The following KMT5A variants were observed in gnomAD, a reference collection of about 807,000 sequenced individuals.
The protein encoded by KMT5A is N-lysine methyltransferase KMT5A.
A neutral mutation model predicts 40.6 loss-of-function variants in KMT5A; 6 were observed. The observed-to-expected ratio is 0.15, with a 90% CI of 0.08 to 0.29. The LOEUF (loss-of-function observed/expected upper bound fraction) is 0.29, where lower values mean the gene tolerates loss of function less well. Ranked by LOEUF, KMT5A falls within the 10% of genes least tolerant of loss-of-function variation. The probability of loss-of-function intolerance (pLI) is 1.00; values close to 1 mark genes in which losing one functional copy is unlikely to be tolerated. For synonymous variants in KMT5A, 153 were observed against 178.8 expected (o/e 0.86, Z 1.15); for missense variants, 308 against 459.1 (o/e 0.67, Z 3.01).
chr12:123,400,862 T>G (rs1487910220), intron 5 of KMT5A, among the ~76,000 whole-genome samples: 1 of 152,072 alleles, frequency 6.6e-6, no homozygotes, highest in African/African-American at 2.4e-5. Flanking sequence ...TTGCCCAGGC[T>G]GGAGTACAGT....
intron 7 of KMT5A, among the ~76,000 whole-genome samples, chr12:123,405,708 A>G (rs772782117): frequency 6.6e-6 from 1 of 150,550 alleles, no homozygotes; most frequent in South Asian, 2.1e-4. Flanking sequence ...TTTAGTAGAG[A>G]CAGGGTTTCA....
chr12:123,395,111 C>T lies in KMT5A; in HGVS notation c.354C>T (p.Asp118=), dbSNP rs371474913. Residue 118 remains aspartate, a synonymous_variant, in exon 4 of 8, where the codon GAC becomes GAT. Coordinates refer to ENST00000402868, the MANE Select transcript of KMT5A (RefSeq NM_020382.7). The stretch of plus-strand genomic sequence containing the variant: ...AGTCCGAGGAACAGAAGATCAAAGA[C>T]GCCAGGAAAGGTCCCCTGGTACCTT... ...AMKSEEQKIK[D]ARKGPLVPFP... is the part of the protein sequence containing the mutation. 44 of 1,601,990 alleles carry T rather than the reference C, an allele frequency of 2.7e-5. No individual in the cohort carries two copies. The highest frequency in any genetic ancestry group is 5.4e-5 in the African/African-American group (4 of 74,640).
chr12:123,402,074 G>A (rs958514773), intron 5 of KMT5A, among the ~76,000 whole-genome samples: 2 of 152,186 alleles, frequency 1.3e-5, no homozygotes, highest in Non-Finnish European at 2.9e-5. Context: ...TAGGGACAGG[G>A]TCTGGATCTG....
At chr12:123,394,113 T>TG (rs1417744022) in intron 3 of KMT5A, among the ~76,000 whole-genome samples, 1 of 147,752 alleles carries the variant, frequency 6.8e-6, no homozygotes, top group Non-Finnish European at 1.5e-5. Context: ...TCTTTTTTTT[T>TG]TTTTTTTTGA....
At chr12:123,394,462 C>G (rs1186932579) in intron 3 of KMT5A, among the ~76,000 whole-genome samples, 1 of 152,156 alleles carries the variant, frequency 6.6e-6, no homozygotes, top group Non-Finnish European at 1.5e-5. Context: ...TTTTCCAACA[C>G]TGTCACTCCA....
intron 5 of KMT5A, among the ~76,000 whole-genome samples, chr12:123,401,099 T>G (rs1379792009): frequency 4.6e-5 from 7 of 151,284 alleles, no homozygotes; most frequent in Non-Finnish European, 7.4e-5. Flanking sequence ...CTGACCAAGT[T>G]TTGTTGTTGT....
intron 7 of KMT5A, among the ~76,000 whole-genome samples, chr12:123,406,701 C>T (rs957514801): frequency 3.9e-5 from 6 of 152,080 alleles, no homozygotes; most frequent in African/African-American, 1.4e-4. Context: ...CCTACCCCAT[C>T]CCCCCACCCA....
intron 2 of KMT5A, chr12:123,390,135 C>T: frequency 2.1e-6 from 1 of 467,790 alleles, no homozygotes. Context: ...TGCGGGGCTG[C>T]AGTGATTTGA....
In KMT5A at chr12:123,395,110, A is replaced by G; in HGVS notation, c.353A>G (p.Asp118Gly). 6.2e-7 allele frequency: 1 copy of G among 1,601,834 alleles called. No homozygotes were observed. Among genetic ancestry groups the G allele is most frequent in the Non-Finnish European group, 8.5e-7 (1 of 1,173,950 alleles). ...AAGTCCGAGGAACAGAAGATCAAAG[A>G]CGCCAGGAAAGGTCCCCTGGTACCT... ...AMKSEEQKIK[D>G]ARKGPLVPFP... is the part of the protein sequence containing the mutation. The change falls in exon 4 of 8, where the codon GAC (aspartate) becomes GGC (glycine). Residue 118 changes from aspartate (D) to glycine (G), a missense_variant. Coordinates refer to ENST00000402868, the MANE Select transcript of KMT5A (RefSeq NM_020382.7).
At position 123,390,166 on chromosome 12, in the gene KMT5A, T is replaced by G. The variant is rs183149628; in HGVS notation, c.133-464T>G. 3.0e-5 allele frequency: 14 copies of G among 464,038 alleles called. No homozygotes were observed. The East Asian group carries it at 9.7e-4, about 32-fold the overall frequency. 28.7% of individuals were successfully genotyped at this position (464,038 alleles called of 1,614,324 possible). On this transcript the variant is annotated intron_variant, in intron 2 of 7. Transcript: ENST00000402868. ...TTTGAGAGGGGTCAGGCTCCGGCGC[T>G]CATGGGGCTCTGGCTGTGCTGACAG...
chr12:123,396,496 C>A, intron 5 of KMT5A, 64 bp downstream of exon 5: 1 of 1,432,030 alleles, frequency 7.0e-7, no homozygotes, highest in Admixed American at 1.7e-5. Context: ...CAGTGCTTGG[C>A]GTGTGCGTAT....
At chr12:123,389,375 CCGCCCCGCCG>C in intron 1 of KMT5A, 48 bp from the exon 2 acceptor site, 1 of 1,012,896 alleles carries the variant, frequency 9.9e-7, no homozygotes, top group Non-Finnish European at 1.2e-6. Flanking sequence ...GCCCCGCTCC[CCGCCCCGCCG>C]CGCCCTGAGC....
At chr12:123,393,945 C>T (rs1441425468) in intron 3 of KMT5A, among the ~76,000 whole-genome samples, 1 of 151,844 alleles carries the variant, frequency 6.6e-6, no homozygotes, top group Non-Finnish European at 1.5e-5. Flanking sequence ...TTTTTGGGGA[C>T]ATATGTTTTT....
Position 123,407,747 on chromosome 12 carries a change from A to G in KMT5A, c.*44A>G. ...TCCCCGCCCCACTTTCCCTTCTTCA[A>G]AGGACAAAGTGCCCTCAAAGGGAAT... On this transcript the variant is annotated 3_prime_UTR_variant, in exon 8 of 8. Transcript: ENST00000402868. 6.6e-7 allele frequency: 1 copy of G among 1,506,052 alleles called. No individual in the cohort carries two copies. Among genetic ancestry groups the G allele is most frequent in the Non-Finnish European group, 9.1e-7 (1 of 1,097,620 alleles). 93.3% of individuals were successfully genotyped at this position (1,506,052 alleles called of 1,614,324 possible).
Position 123,394,169 on chromosome 12 carries a change from T to C in KMT5A, c.290-878T>C, listed in dbSNP as rs964322130. Among the ~76,000 whole-genome samples, 5 of 146,060 alleles carry C rather than the reference T, an allele frequency of 3.4e-5. No homozygotes were observed. In the East Asian group the frequency reaches 6.0e-4, roughly 18 times the overall value. On this transcript the variant is annotated intron_variant, in intron 3 of 7. Transcript: ENST00000402868. ...CCCAGGTTGGAGTGCAATGGCATGA[T>C]CTTAGCTCACTGCAACCTCCGCCTC...
chr12:123,393,301 A>G (rs1048407473), intron 3 of KMT5A, among the ~76,000 whole-genome samples: 1 of 152,144 alleles, frequency 6.6e-6, no homozygotes, highest in African/African-American at 2.4e-5. Flanking sequence ...CCATTACCAC[A>G]GTCTAATTCC....
chr12:123,403,008 A>T (rs1472946751), intron 5 of KMT5A, among the ~76,000 whole-genome samples: 1 of 152,200 alleles, frequency 6.6e-6, no homozygotes, highest in African/African-American at 2.4e-5. Flanking sequence ...TCCCAGGTTC[A>T]AGCGATTCTC....
Position 123,390,774 on chromosome 12 carries a change from A to C in KMT5A, c.277A>C (p.Arg93=). ...CQGKPLAGIY[R]KREEKRNAGN... Reference sequence around the variant, plus strand: ...GGGGAAACCATTAGCCGGAATCTACAGGAAACGAGAAGGTAAGCTTTTGAA... The same window carrying C: ...GGGGAAACCATTAGCCGGAATCTACCGGAAACGAGAAGGTAAGCTTTTGAA... The change falls in exon 3 of 8, where the codon AGG becomes CGG. Residue 93 remains arginine, a synonymous_variant. Coordinates refer to ENST00000402868, the MANE Select transcript of KMT5A (RefSeq NM_020382.7). 6.2e-7 allele frequency: 1 copy of C among 1,613,950 alleles called. No homozygotes were observed.
At chr12:123,396,548 C>T (rs561260145) in intron 5 of KMT5A, 116 bp downstream of exon 5, 25 of 886,728 alleles carry the variant, frequency 2.8e-5, no homozygotes, top group African/African-American at 1.5e-4. Flanking sequence ...TGGAGCAAGT[C>T]TCTTGGCCCC....
Sources: allele counts gnomAD v4.1 joint callset (sites outside exome capture counted in the v4.1 genomes callset), GRCh38; gene constraint gnomAD v4.1.1; transcripts MANE v1.5; gene names NCBI Gene and HGNC (gene_info 2026-07-23, HGNC 2026-07-21).